STEAP2: variants seen among roughly 807,000 people sequenced by gnomAD.
STEAP2 encodes metalloreductase STEAP2.
In STEAP2, 30 loss-of-function variants were observed where a neutral mutation model predicts 46.4. The observed-to-expected ratio is 0.65, with a 90% CI of 0.48 to 0.88. STEAP2 has a LOEUF of 0.88. Ranked by LOEUF, STEAP2 falls within the 40% of genes least tolerant of loss-of-function variation. The pLI is 0.00. For missense variants in STEAP2, 513 were observed against 579.3 expected, an observed-to-expected ratio of 0.89 and a Z score of 1.18; for synonymous variants, 180 against 200.5, an observed-to-expected ratio of 0.90 and a Z score of 0.86.
At chr7:90,225,864 C>T (rs534807423) in intron 3 of STEAP2, among the ~76,000 whole-genome samples, 41 of 152,260 alleles carry the variant, frequency 2.7e-4, no homozygotes, top group Admixed American at 1.2e-3. Context: ...TATAAGTAAA[C>T]ACATAAAATA....
rs944347962 is a variant in STEAP2, at chr7:90,235,316, T to C, written c.*2692T>C. ...TTTTGAAGTTTTAGAATAAATGTAA[T>C]ATATTTACTATAATTCTAAATGTTT... is the stretch of plus-strand genomic sequence containing the variant. On this transcript the variant is annotated 3_prime_UTR_variant, in exon 6 of 6. Coordinates refer to ENST00000394621, the MANE Select transcript of STEAP2 (RefSeq NM_001244944.2). 39 of 949,404 alleles carry C rather than the reference T, an allele frequency of 4.1e-5. No individual in the cohort carries two copies. The highest frequency in any genetic ancestry group is 4.8e-5 in the Non-Finnish European group (38 of 797,218). 58.8% of individuals were successfully genotyped at this position (949,404 alleles called of 1,614,324 possible). A position where few individuals can be genotyped will look rare whatever the true frequency, so the allele number is the denominator to read the frequency against.
intron 3 of STEAP2, among the ~76,000 whole-genome samples, chr7:90,226,102 C>CT: frequency 6.6e-6 from 1 of 152,146 alleles, no homozygotes; most frequent in Middle Eastern, 3.4e-3. Flanking sequence ...TTTCTGAATC[C>CT]TTTTTTCTCT....
intron 2 of STEAP2, among the ~76,000 whole-genome samples, chr7:90,216,819 C>T (rs543201748): frequency 4.6e-5 from 7 of 152,234 alleles, no homozygotes; most frequent in African/African-American, 1.7e-4. Context: ...TCAGGATGAA[C>T]CCCAGAACAA....
chr7:90,234,483 A>G lies in STEAP2; in HGVS notation c.*1859A>G. The G allele has an allele frequency of 2.0e-6, 2 of 984,006 alleles. No individual in the cohort carries two copies. Among genetic ancestry groups the G allele is most frequent in the Non-Finnish European group, 2.4e-6 (2 of 829,600 alleles). The allele number at this position is 984,006 out of a possible 1,614,324, so 61.0% of individuals were successfully genotyped here. On this transcript the variant is annotated 3_prime_UTR_variant, in exon 6 of 6. Coordinates refer to ENST00000394621, the MANE Select transcript of STEAP2 (RefSeq NM_001244944.2). ...ACTCTTTTTCTACAACTGCCTTGTC[A>G]GTTTGGTAATTCACTTATGATTTTC... is the stretch of plus-strand genomic sequence containing the variant.
downstream of STEAP2, chr7:90,238,106 G>C (rs1197657986): frequency 1.4e-6 from 1 of 717,226 alleles, no homozygotes; most frequent in Admixed American, 2.0e-5. Context: ...CAGTGGCCTA[G>C]CGCTACCCTG....
In STEAP2 at chr7:90,233,143, T is replaced by C; in HGVS notation, c.*519T>C. On this transcript the variant is annotated 3_prime_UTR_variant, in exon 6 of 6. Coordinates refer to ENST00000394621, the MANE Select transcript of STEAP2 (RefSeq NM_001244944.2). ...GCATTCCTATATTTCTCTCATAAAA[T>C]AGGATTTGAAGGATGAAATTAATTG... 1.0e-6 allele frequency: 1 copy of C among 984,956 alleles called. No homozygotes were observed. The highest frequency in any genetic ancestry group is 1.2e-6 in the Non-Finnish European group (1 of 829,544). 61.0% of individuals were successfully genotyped at this position (984,956 alleles called of 1,614,324 possible).
rs1424385775 is a variant in STEAP2, at chr7:90,227,146, C to G, written c.668C>G (p.Ala223Gly). 6.2e-7 allele frequency: 1 copy of G among 1,613,594 alleles called. No homozygotes were observed. Among genetic ancestry groups the G allele is most frequent in the Non-Finnish European group, 8.5e-7 (1 of 1,179,832 alleles). Residue 223 changes from alanine to glycine, a missense_variant, in exon 4 of 6, where the codon GCC (alanine) becomes GGC (glycine). By Grantham distance (60) the Ala-to-Gly change is moderately conservative. Transcript: ENST00000394621. ...CCAGTGGTGGTAGCTATAAGCTTGG[C>G]CACATTTTTTTTCCTTTATTCCTTT... ...RGPVVVAISL[A>G]TFFFLYSFVR...
chr7:90,228,505 G>A (rs890955871), intron 4 of STEAP2, among the ~76,000 whole-genome samples: 1 of 151,980 alleles, frequency 6.6e-6, no homozygotes, highest in African/African-American at 2.4e-5. Flanking sequence ...CCTTCTCAGC[G>A]AGTCCTATGC....
In STEAP2 at chr7:90,235,358, A is replaced by G. The variant is rs1795925692; in HGVS notation, c.*2734A>G. ...TAAATGTTTAAATGCTTTTCTAAAAATGCAAAACTATGATGTTTAGTTGCT... is the reference window on the plus strand; with the variant it reads ...TAAATGTTTAAATGCTTTTCTAAAAGTGCAAAACTATGATGTTTAGTTGCT... On this transcript the variant is annotated 3_prime_UTR_variant, in exon 6 of 6. Transcript: ENST00000394621. 1 of 956,808 alleles carries G rather than the reference A, an allele frequency of 1.0e-6. No homozygotes were observed. Among genetic ancestry groups the G allele is most frequent in the South Asian group, 4.8e-5 (1 of 20,726 alleles). 59.3% of individuals were successfully genotyped at this position (956,808 alleles called of 1,614,324 possible).
rs1201225117 is a variant in STEAP2 at position 90,227,540 on chromosome 7, C to T, written c.1020+42C>T. The T allele has an allele frequency of 5.5e-6, 8 of 1,453,958 alleles. No individual in the cohort carries two copies. In the African/African-American group the frequency reaches 5.7e-5, roughly 10 times the overall value. The allele number at this position is 1,453,958 out of a possible 1,614,324, so 90.1% of individuals were successfully genotyped here. On this transcript the variant is annotated intron_variant, in intron 4 of 5. Coordinates refer to ENST00000394621, the MANE Select transcript of STEAP2 (RefSeq NM_001244944.2). ...TTATTTATCTGATGCTAGTAAAATACTTTTTATTAGTATAAATTGTAAAAC... is the reference window on the plus strand; with the variant it reads ...TTATTTATCTGATGCTAGTAAAATATTTTTTATTAGTATAAATTGTAAAAC...
chr7:90,238,139 C>A, downstream of STEAP2: 1 of 717,314 alleles, frequency 1.4e-6, no homozygotes, highest in East Asian at 2.7e-5. Context: ...GTTTCTGCTG[C>A]TGCTGCCACT....
chr7:90,225,166 A>C lies in STEAP2; in HGVS notation c.84A>C (p.Ala28=). The C allele has an allele frequency of 6.2e-7, 1 of 1,613,980 alleles. No homozygotes were observed. Among genetic ancestry groups the C allele is most frequent in the South Asian group, 1.1e-5 (1 of 91,074 alleles). The change falls in exon 3 of 6, where the codon GCA becomes GCC. Residue 28 remains alanine (A), a synonymous_variant. Coordinates refer to ENST00000394621, the MANE Select transcript of STEAP2 (RefSeq NM_001244944.2). The stretch of plus-strand genomic sequence containing the variant: ...ATGGCATAAATGGTATCAAAGATGC[A>C]AGGAAGGTCACTGTAGGTGTGATTG... ...LPNGINGIKD[A]RKVTVGVIGS...
chr7:90,235,257 C>T lies in STEAP2; in HGVS notation c.*2633C>T. 1.0e-6 allele frequency: 1 copy of T among 982,944 alleles called. No individual in the cohort carries two copies. The highest frequency in any genetic ancestry group is 1.2e-6 in the Non-Finnish European group (1 of 827,718). The allele number at this position is 982,944 out of a possible 1,614,324, so 60.9% of individuals were successfully genotyped here. ...GATGCATCTGTTGTTTCAAATGGCA[C>T]TATCTTCTTTTCAGTACTACAAAAA... On this transcript the variant is annotated 3_prime_UTR_variant, in exon 6 of 6. Coordinates refer to ENST00000394621, the MANE Select transcript of STEAP2 (RefSeq NM_001244944.2).
Position 90,227,289 on chromosome 7 carries a change from T to C in STEAP2, c.811T>C (p.Tyr271His), listed in dbSNP as rs907196717. Residue 271 changes from tyrosine to histidine, a missense_variant, in exon 4 of 6, where the codon TAC (tyrosine) becomes CAC (histidine). By Grantham distance (83) the Tyr-to-His change is moderately conservative. Coordinates refer to ENST00000394621, the MANE Select transcript of STEAP2 (RefSeq NM_001244944.2). ...TGCCATTACTTTGCTCTCCCTAGTA[T>C]ACCTCGCAGGTCTTCTGGCAGCTGC... The part of the protein sequence containing the change: ...IVAITLLSLV[Y>H]LAGLLAAAYQ... The C allele has an allele frequency of 3.1e-6, 5 of 1,613,796 alleles. No homozygotes were observed. Among genetic ancestry groups the C allele is most frequent in the Non-Finnish European group, 4.2e-6 (5 of 1,179,848 alleles).
intron 4 of STEAP2, among the ~76,000 whole-genome samples, chr7:90,229,376 CAG>C (rs1317024520): frequency 6.6e-6 from 1 of 152,060 alleles, no homozygotes; most frequent in Non-Finnish European, 1.5e-5. Context: ...AAAGATAAAA[CAG>C]AGATATATTA....
chr7:90,242,894 G>T (rs939094710), downstream of STEAP2, among the ~76,000 whole-genome samples: 1 of 152,186 alleles, frequency 6.6e-6, no homozygotes, highest in African/African-American at 2.4e-5. Context: ...TGGAAGCCTA[G>T]GCAAGGGGGT....
chr7:90,230,284 G>A (rs1363633350), intron 5 of STEAP2, among the ~76,000 whole-genome samples: 3 of 151,348 alleles, frequency 2.0e-5, no homozygotes, highest in South Asian at 2.1e-4. Context: ...GAACAAAAAA[G>A]TTATCTTAAA....
chr7:90,213,855 C>G (rs910611883), intron 1 of STEAP2: 22 of 152,128 alleles, frequency 1.4e-4, no homozygotes, highest in African/African-American at 4.3e-4. Context: ...ATGGAAAGCT[C>G]CCAAGGTACA....
chr7:90,218,293 T>TTTG, intron 2 of STEAP2, among the ~76,000 whole-genome samples: 1 of 152,248 alleles, frequency 6.6e-6, no homozygotes, highest in Middle Eastern at 3.4e-3. Flanking sequence ...TGTCTATTTT[T>TTTG]TTGTTGTTGT....
Sources: gnomAD v4.1 joint callset for allele counts (sites outside exome capture counted in the v4.1 genomes callset) on GRCh38, gnomAD v4.1.1 for gene constraint, MANE v1.5 for transcripts, NCBI Gene and HGNC (gene_info 2026-07-23, HGNC 2026-07-21) for gene names.